Variants in ACER3 observed in about 807,000 individuals in gnomAD.
ACER3 encodes the protein alkCDase 3.
Under a neutral mutation model 48.9 loss-of-function variants are expected in ACER3, and 16 were observed. The ratio of observed to expected loss-of-function variants is 0.33; its 90% CI spans 0.22 to 0.50. The LOEUF (loss-of-function observed/expected upper bound fraction) is 0.50. Among genes scored for constraint, ACER3 ranks in the 20% least tolerant of loss-of-function variants. The pLI, the probability that ACER3 is intolerant of heterozygous loss-of-function variation, is 0.98. For synonymous variants in ACER3, 109 were observed against 107.8 expected, an observed-to-expected ratio of 1.01 and a Z score of -0.07; for missense variants, 227 against 326.0, an observed-to-expected ratio of 0.70 and a Z score of 2.34.
chr11:76,932,864 C>T (rs973564841), intron 2 of ACER3, among the ~76,000 whole-genome samples: 1 of 151,598 alleles, frequency 6.6e-6, no homozygotes, highest in Non-Finnish European at 1.5e-5. Flanking sequence ...CTAATTCTGA[C>T]AAAAGTAGCA....
Position 76,880,506 on chromosome 11 carries a change from G to A in ACER3, c.103+19427G>A, listed in dbSNP as rs141625363. On this transcript the variant is annotated intron_variant, in intron 1 of 10. Coordinates refer to ENST00000532485, the MANE Select transcript of ACER3 (RefSeq NM_018367.7). ...GTTGAGGGCTCAGTCCCACAAGACC[G>A]TCCTCCACTTCCCATGCCAGTCGGA... 1.4e-4 allele frequency among the ~76,000 whole-genome samples: 21 copies of A among 152,286 alleles called. 1 individual carries two copies. Among genetic ancestry groups the A allele is most frequent in the Middle Eastern group, 3.4e-3 (1 of 294 alleles).
At chr11:77,018,734 C>T (rs1180232195) in intron 9 of ACER3, among the ~76,000 whole-genome samples, 1 of 152,212 alleles carries the variant, frequency 6.6e-6, no homozygotes, top group Non-Finnish European at 1.5e-5. Flanking sequence ...CACAACATTG[C>T]CTTAAGCCAA....
At chr11:76,897,250 C>T (rs1381818587) in intron 1 of ACER3, among the ~76,000 whole-genome samples, 1 of 152,184 alleles carries the variant, frequency 6.6e-6, no homozygotes, top group African/African-American at 2.4e-5. Context: ...AGCCACCACA[C>T]CTGGCCAGGG....
intron 1 of ACER3, among the ~76,000 whole-genome samples, chr11:76,892,466 T>TAA (rs1319588956): frequency 5.9e-5 from 9 of 152,318 alleles, no homozygotes; most frequent in Non-Finnish European, 1.3e-4. Flanking sequence ...ACTGCTATTT[T>TAA]AGTTGGATCA....
At chr11:76,933,334 G>A (rs963733737) in intron 2 of ACER3, among the ~76,000 whole-genome samples, 1 of 145,018 alleles carries the variant, frequency 6.9e-6, no homozygotes, top group Non-Finnish European at 1.5e-5. Context: ...TCGCAGAGGG[G>A]GATTTGGCAA....
chr11:76,901,180 A>T (rs1487052278), intron 1 of ACER3, among the ~76,000 whole-genome samples: 1 of 151,182 alleles, frequency 6.6e-6, no homozygotes. Context: ...GAGATTTTGC[A>T]TTTAAGGGGG....
chr11:76,897,487 A>G (rs1253304536), intron 1 of ACER3, among the ~76,000 whole-genome samples: 1 of 152,136 alleles, frequency 6.6e-6, no homozygotes, highest in Non-Finnish European at 1.5e-5. Context: ...TCATTTGGAA[A>G]ATATTGGTTC....
chr11:76,989,391 A>T (rs1948752325), intron 5 of ACER3, among the ~76,000 whole-genome samples: 1 of 152,158 alleles, frequency 6.6e-6, no homozygotes, highest in Non-Finnish European at 1.5e-5. Flanking sequence ...AAGATATTAT[A>T]GTCTTGTAGG....
rs554861832 is a variant in ACER3, at chr11:76,969,328, C to T, written c.268-6961C>T. 1.1e-4 allele frequency among the ~76,000 whole-genome samples: 17 copies of T among 152,284 alleles called. No individual in the cohort carries two copies. In the East Asian group the frequency reaches 2.7e-3, roughly 24 times the overall value. On this transcript the variant is annotated intron_variant, in intron 3 of 10. Transcript: ENST00000532485. ...TGGAGAGGATGTGGAGAAATAGGAA[C>T]ACTTTTACACTGTTGGTGGGACTGT...
chr11:76,947,847 A>G (rs890210673), intron 2 of ACER3, among the ~76,000 whole-genome samples: 7 of 152,210 alleles, frequency 4.6e-5, no homozygotes, highest in African/African-American at 1.7e-4. Flanking sequence ...AGATAACTAC[A>G]TTTGGAATAA....
intron 8 of ACER3, among the ~76,000 whole-genome samples, chr11:77,016,348 T>G (rs1949369477): frequency 6.6e-6 from 1 of 152,052 alleles, no homozygotes; most frequent in Non-Finnish European, 1.5e-5. Context: ...GAAAATGTGG[T>G]TATGTTTTAG....
At chr11:76,946,540 G>A (rs746255412) in intron 2 of ACER3, among the ~76,000 whole-genome samples, 4 of 152,240 alleles carry the variant, frequency 2.6e-5, no homozygotes, top group Non-Finnish European at 4.4e-5. Flanking sequence ...ATGGTGCCTA[G>A]GGTGGGGACT....
intron 2 of ACER3, among the ~76,000 whole-genome samples, chr11:76,928,913 C>G (rs1177839958): frequency 6.6e-6 from 1 of 152,128 alleles, no homozygotes; most frequent in Non-Finnish European, 1.5e-5. Flanking sequence ...CAGCTTTGTT[C>G]TTTTGGCTTA....
At chr11:76,913,984 C>T (rs1200156123) in intron 1 of ACER3, among the ~76,000 whole-genome samples, 1 of 152,156 alleles carries the variant, frequency 6.6e-6, no homozygotes, top group African/African-American at 2.4e-5. Flanking sequence ...GCTGGGGAAA[C>T]TGGCTAGCCA....
chr11:76,995,368 CAG>C (rs1210652572), intron 6 of ACER3, among the ~76,000 whole-genome samples: 12 of 152,174 alleles, frequency 7.9e-5, no homozygotes, highest in African/African-American at 2.9e-4. Context: ...GTTAACTTAG[CAG>C]AGAGGCCTTA....
chr11:76,886,237 A>C (rs1339606727), intron 1 of ACER3, among the ~76,000 whole-genome samples: 1 of 152,174 alleles, frequency 6.6e-6, no homozygotes, highest in Non-Finnish European at 1.5e-5. Context: ...CTGTGGCTGG[A>C]ATAGACTTGG....
chr11:76,881,085 T>C (rs1945512959), intron 1 of ACER3, among the ~76,000 whole-genome samples: 1 of 151,804 alleles, frequency 6.6e-6, no homozygotes, highest in Admixed American at 6.6e-5. Flanking sequence ...GTGAAACTCA[T>C]CTCTACAAAA....
rs1443120067 is a variant in ACER3, at chr11:76,960,519, C to G, written c.267+1488C>G. On this transcript the variant is annotated intron_variant, in intron 3 of 10. Coordinates refer to ENST00000532485, the MANE Select transcript of ACER3 (RefSeq NM_018367.7). ...AATTATGAATAAAGTATTTCATATT[C>G]TTAAATCTGGTTATTATACCTGCAA... Among the ~76,000 whole-genome samples the G allele has an allele frequency of 2.6e-5, 4 of 152,202 alleles. No homozygotes were observed. The East Asian group carries it at 7.7e-4, about 29-fold the overall frequency.
chr11:76,904,179 G>A (rs146307431), intron 1 of ACER3, among the ~76,000 whole-genome samples: 1 of 152,058 alleles, frequency 6.6e-6, no homozygotes, highest in East Asian at 1.9e-4. Context: ...TAGAGACGAG[G>A]TTTCACCATG....
Sources: gnomAD v4.1 joint callset for allele counts (sites outside exome capture counted in the v4.1 genomes callset) on GRCh38, gnomAD v4.1.1 for gene constraint, MANE v1.5 for transcripts, NCBI Gene and HGNC (gene_info 2026-07-23, HGNC 2026-07-21) for gene names.